Variants in PRPF8 observed in about 807,000 individuals in gnomAD.
PRPF8 encodes the protein pre-mRNA-processing-splicing factor 8.
Under a neutral mutation model 285.9 loss-of-function variants are expected in PRPF8, and 64 were observed. That is an observed-to-expected ratio of 0.22 (90% confidence interval 0.18 to 0.28). The LOEUF is 0.28. Among genes scored for constraint, PRPF8 ranks in the 10% least tolerant of loss-of-function variants. PRPF8 has a pLI of 1.00. For missense variants in PRPF8, 1,426 were observed against 3,026.7 expected, an observed-to-expected ratio of 0.47 and a Z score of 12.41; for synonymous variants, 1,325 against 1,118.2, an observed-to-expected ratio of 1.18 and a Z score of -3.69.
chr17:1,679,328 C>A lies in PRPF8; in HGVS notation c.1372G>T (p.Ala458Ser). ...GCCTTAGGGGGCCGATGCTTCAGGGCATTCAGCACATAGTACTTAAGCAGC... is the reference window on the plus strand; with the variant it reads ...GCCTTAGGGGGCCGATGCTTCAGGGAATTCAGCACATAGTACTTAAGCAGC... ...QKLLKYYVLNALKHRPPKAQK... is the reference protein window; with the variant it reads ...QKLLKYYVLNSLKHRPPKAQK... Residue 458 changes from alanine to serine, a missense_variant, in exon 10 of 43, where the codon GCC becomes TCC. Ala to Ser is a moderately conservative substitution (Grantham distance 99). Around this residue, in one of 34 missense-constraint regions of PRPF8, gnomAD observed 137 missense variants for 161.2 expected, o/e 0.85. Transcript: ENST00000304992. The surrounding 1 kb of genome is among the most constrained non-coding windows in gnomAD (Gnocchi z 4.7). 1.9e-6 allele frequency: 3 copies of A among 1,614,096 alleles called. No individual in the cohort carries two copies. The highest frequency in any genetic ancestry group is 2.5e-6 in the Non-Finnish European group (3 of 1,180,032).
chr17:1,679,102 T>C lies in PRPF8; in HGVS notation c.1514A>G (p.Asn505Ser). ...GAGGTTTTTGCGGTGAATGAGAAGG[T>C]TGAGCATGTTGTAGCCCTGGCGGCA... ...QVCRQGYNML[N>S]LLIHRKNLNY... Residue 505 changes from asparagine (N) to serine (S), a missense_variant, in exon 11 of 43, where the codon AAC (asparagine) becomes AGC (serine). Transcript: ENST00000304992. This position sits in a 1 kb window ranked among gnomAD's most constrained non-coding sequence, Gnocchi z 4.7. The C allele has an allele frequency of 1.2e-6, 2 of 1,614,162 alleles. No individual in the cohort carries two copies. The highest frequency in any genetic ancestry group is 1.7e-6 in the Non-Finnish European group (2 of 1,180,024).
In PRPF8 at chr17:1,678,703, C is replaced by T. The variant is rs181663508; in HGVS notation, c.1720-51G>A. 1.0e-4 allele frequency: 166 copies of T among 1,614,150 alleles called. No individual in the cohort carries two copies. The African/African-American group carries it at 1.7e-3, about 16-fold the overall frequency. On this transcript the variant is annotated intron_variant, in intron 12 of 42. Coordinates refer to ENST00000304992, the MANE Select transcript of PRPF8 (RefSeq NM_006445.4). ...CTGGAGCTTAAACCAGCTCCACGGTCAGCACAGGCTTCCTCCAGCGTCCTC... is the reference window on the plus strand; with the variant it reads ...CTGGAGCTTAAACCAGCTCCACGGTTAGCACAGGCTTCCTCCAGCGTCCTC...
chr17:1,658,035 C>T lies in PRPF8; in HGVS notation c.5505+218G>A, dbSNP rs1389412098. On this transcript the variant is annotated intron_variant, in intron 34 of 42. Transcript: ENST00000304992. This position sits in a 1 kb window ranked among gnomAD's most constrained non-coding sequence, Gnocchi z 4.1. ...AAAAATGATTTTTGATAGCCCTGTT[C>T]AAGGTTAGAAATTCAGGAAACAGAC... 6.6e-6 allele frequency among the ~76,000 whole-genome samples: 1 copy of T among 150,854 alleles called. No individual in the cohort carries two copies. Among genetic ancestry groups the T allele is most frequent in the Non-Finnish European group, 1.5e-5 (1 of 67,774 alleles).
At chr17:1,655,060 C>G in intron 37 of PRPF8, 3 of 397,120 alleles carry the variant, frequency 7.6e-6, no homozygotes, top group Non-Finnish European at 1.4e-5. Flanking sequence ...CAGGTTCAAG[C>G]AATTCTCCTG....
rs922001272 is a variant in PRPF8 at position 1,658,066 on chromosome 17, G to A, written c.5505+187C>T. Among the ~76,000 whole-genome samples the A allele has an allele frequency of 1.3e-5, 2 of 151,916 alleles. No individual in the cohort carries two copies. Among genetic ancestry groups the A allele is most frequent in the African/African-American group, 2.4e-5 (1 of 41,354 alleles). The stretch of plus-strand genomic sequence containing the variant: ...TAGAAATTCAGGAAACAGACCAGCT[G>A]GAAGGGAACGAAGCACCTCATACAC... On this transcript the variant is annotated intron_variant, in intron 34 of 42. Coordinates refer to ENST00000304992, the MANE Select transcript of PRPF8 (RefSeq NM_006445.4). This position sits in a 1 kb window ranked among gnomAD's most constrained non-coding sequence, Gnocchi z 4.1.
rs766290727 is a variant in PRPF8, at chr17:1,676,630, G to A, written c.2263C>T (p.His755Tyr). The stretch of plus-strand genomic sequence containing the variant: ...CGGCGGATCCGTTCTCGGTTGTAGT[G>A]GGCAGTGTTGGTCCACCAGTCAGCC... ...AKADWWTNTA[H>Y]YNRERIRRGA... is the part of the protein sequence containing the mutation. Residue 755 changes from histidine (H) to tyrosine (Y), a missense_variant, in exon 16 of 43, where the codon CAC becomes TAC. Physicochemically the swap from His to Tyr is moderately conservative, Grantham distance 83. Coordinates refer to ENST00000304992, the MANE Select transcript of PRPF8 (RefSeq NM_006445.4). This position sits in a 1 kb window ranked among gnomAD's most constrained non-coding sequence, Gnocchi z 6.3. 6.2e-7 allele frequency: 1 copy of A among 1,614,132 alleles called. No homozygotes were observed. The highest frequency in any genetic ancestry group is 8.5e-7 in the Non-Finnish European group (1 of 1,180,018).
At chr17:1,683,779 T>C (rs944870111) in intron 2 of PRPF8, 78 bp from the exon 3 acceptor site, 1 of 1,550,532 alleles carries the variant, frequency 6.4e-7, no homozygotes, top group Middle Eastern at 2.3e-4. Flanking sequence ...GGTAAGCTCC[T>C]GTCAGTGAGT....
Position 1,676,894 on chromosome 17 carries a change from T to G in PRPF8, c.2181+82A>C. On this transcript the variant is annotated intron_variant, in intron 15 of 42. Transcript: ENST00000304992. This position sits in a 1 kb window ranked among gnomAD's most constrained non-coding sequence, Gnocchi z 6.3. The stretch of plus-strand genomic sequence containing the variant: ...GAAAAGAAAAGAGATTGGAGCCAGA[T>G]AGCCCCCTAATGATTCCCGAAGTGG... 2.6e-6 allele frequency: 4 copies of G among 1,542,426 alleles called. No individual in the cohort carries two copies. In the South Asian group the frequency reaches 4.5e-5, roughly 17 times the overall value.
intron 24 of PRPF8, among the ~76,000 whole-genome samples, chr17:1,667,917 G>A (rs1263764728): frequency 6.6e-6 from 1 of 152,132 alleles, no homozygotes; most frequent in Non-Finnish European, 1.5e-5. Flanking sequence ...GGCTCAAGCA[G>A]TCCTCCCACC....
At chr17:1,655,713 G>A (rs1466015347) in intron 36 of PRPF8, among the ~76,000 whole-genome samples, 170 bp from the exon 37 acceptor site, 3 of 151,028 alleles carry the variant, frequency 2.0e-5, no homozygotes, top group Non-Finnish European at 4.4e-5. Context: ...TGCAAGCTCC[G>A]CCTCCCAGGT....
intron 13 of PRPF8, 51 bp downstream of exon 13, chr17:1,678,467 G>C (rs759927592): frequency 5.0e-6 from 8 of 1,609,094 alleles, no homozygotes; most frequent in Non-Finnish European, 6.0e-6. Flanking sequence ...CAAGAGACAA[G>C]AGTAAGACTC....
rs1375098197 is a variant in PRPF8, at chr17:1,683,694, T to C, written c.108A>G (p.Lys36=). The change falls in exon 3 of 43, where the codon AAA becomes AAG. Residue 36 remains lysine, a synonymous_variant. Coordinates refer to ENST00000304992, the MANE Select transcript of PRPF8 (RefSeq NM_006445.4). ...SEEKLQEKAR[K]WQQLQAKRYA... is the part of the protein sequence containing the mutation. ...AGCGCTTGGCCTGCAATTGCTGCCA[T>C]TTTCGAGCTGGAAAGGCACCTCAGT... The C allele has an allele frequency of 1.2e-6, 2 of 1,613,734 alleles. No homozygotes were observed. The highest frequency in any genetic ancestry group is 2.2e-5 in the East Asian group (1 of 44,882).
chr17:1,653,231 TGCCCA>T lies in PRPF8; in HGVS notation c.6369+306_6369+310del. ...CTGGGATTATAGGCATTAGCCACTG[TGCCCA>T]GCCGAGTGTTGGGATTACAGGCATG... On this transcript the variant is annotated intron_variant, in intron 39 of 42. Coordinates refer to ENST00000304992, the MANE Select transcript of PRPF8 (RefSeq NM_006445.4). This position sits in a 1 kb window ranked among gnomAD's most constrained non-coding sequence, Gnocchi z 4.9. 2.0e-6 allele frequency: 1 copy of T among 500,704 alleles called. No homozygotes were observed. Among genetic ancestry groups the T allele is most frequent in the Non-Finnish European group, 3.6e-6 (1 of 274,402 alleles). The allele number at this position is 500,704 out of a possible 1,614,324, so 31.0% of individuals were successfully genotyped here.
Position 1,658,486 on chromosome 17 carries a change from G to A in PRPF8, c.5376+40C>T. The A allele has an allele frequency of 1.2e-6, 2 of 1,612,726 alleles. No homozygotes were observed. Among genetic ancestry groups the A allele is most frequent in the Non-Finnish European group, 1.7e-6 (2 of 1,178,756 alleles). On this transcript the variant is annotated intron_variant, in intron 33 of 42. Transcript: ENST00000304992. This position sits in a 1 kb window ranked among gnomAD's most constrained non-coding sequence, Gnocchi z 4.1. ...TAGCCCATTACTCTCCCACAGCCAT[G>A]TACAGAGTCCCGCACCTATACACTG...
At position 1,679,538 on chromosome 17, in the gene PRPF8, T is replaced by A; in HGVS notation, c.1289+71A>T. ...AAAAGAATTTAAAAAAAAGGCTACATGCCCACCTAGTTGGAGTCTTTTCTC... is the reference window on the plus strand; with the variant it reads ...AAAAGAATTTAAAAAAAAGGCTACAAGCCCACCTAGTTGGAGTCTTTTCTC... On this transcript the variant is annotated intron_variant, in intron 9 of 42. Transcript: ENST00000304992. This position sits in a 1 kb window ranked among gnomAD's most constrained non-coding sequence, Gnocchi z 4.7. 1 of 1,599,766 alleles carries A rather than the reference T, an allele frequency of 6.3e-7. No homozygotes were observed. Among genetic ancestry groups the A allele is most frequent in the South Asian group, 1.1e-5 (1 of 88,420 alleles).
Position 1,679,502 on chromosome 17 carries a change from G to GA in PRPF8, c.1290-93_1290-92insT. 1 of 1,566,548 alleles carries GA rather than the reference G, an allele frequency of 6.4e-7. No homozygotes were observed. Among genetic ancestry groups the GA allele is most frequent in the Admixed American group, 1.9e-5 (1 of 52,608 alleles). The stretch of plus-strand genomic sequence containing the variant: ...CCTTGGGTTGTCTACCATTTTTATG[G>GA]GAAAAAAAAAAAAAGAATTTAAAAA... On this transcript the variant is annotated intron_variant, in intron 9 of 42. Coordinates refer to ENST00000304992, the MANE Select transcript of PRPF8 (RefSeq NM_006445.4). This position sits in a 1 kb window ranked among gnomAD's most constrained non-coding sequence, Gnocchi z 4.7.
At chr17:1,652,324 C>T (rs547617377) in intron 39 of PRPF8, among the ~76,000 whole-genome samples, 11 of 152,112 alleles carry the variant, frequency 7.2e-5, no homozygotes, top group Non-Finnish European at 1.3e-4. Context: ...CTGCGACCTC[C>T]GCCTCCTGGG....
intron 24 of PRPF8, among the ~76,000 whole-genome samples, chr17:1,672,434 C>A (rs1452121568): frequency 6.6e-6 from 1 of 152,168 alleles, no homozygotes; most frequent in Non-Finnish European, 1.5e-5. Context: ...CGCCGGCCAC[C>A]AGGCCCGGTT....
rs899784702 is a variant in PRPF8 at position 1,658,943 on chromosome 17, C to G, written c.5139-180G>C. On this transcript the variant is annotated intron_variant, in intron 32 of 42. Coordinates refer to ENST00000304992, the MANE Select transcript of PRPF8 (RefSeq NM_006445.4). The surrounding 1 kb of genome is among the most constrained non-coding windows in gnomAD (Gnocchi z 4.1). ...CCATAGGAGGAATGGGCCACTTCCT[C>G]TCACTTAGGTAAAGTAAAAAAGTAT... 1 of 709,826 alleles carries G rather than the reference C, an allele frequency of 1.4e-6. No homozygotes were observed. 44.0% of individuals were successfully genotyped at this position (709,826 alleles called of 1,614,324 possible).
Sources: allele counts gnomAD v4.1 joint callset (sites outside exome capture counted in the v4.1 genomes callset), GRCh38; gene constraint gnomAD v4.1.1; regional missense constraint gnomAD v4.1.1; non-coding constraint Gnocchi (gnomAD v3.1); transcripts MANE v1.5; gene names NCBI Gene and HGNC (gene_info 2026-07-23, HGNC 2026-07-21).